PDE11A: variants seen among roughly 807,000 people sequenced by gnomAD.
PDE11A encodes dual 3',5'-cyclic-AMP and -GMP phosphodiesterase 11A.
Under a neutral mutation model 100.5 loss-of-function variants are expected in PDE11A, and 100 were observed. The observed-to-expected ratio is 1.00, with a 90% CI of 0.85 to 1.18. The LOEUF (loss-of-function observed/expected upper bound fraction) is 1.18, where lower values mean the gene tolerates loss of function less well. Ranked by LOEUF, PDE11A falls within the 50% of genes most tolerant of loss-of-function variation. The probability of loss-of-function intolerance (pLI) is 0.00; values close to 1 mark genes in which losing one functional copy is unlikely to be tolerated. For synonymous variants in PDE11A, 381 were observed against 420.8 expected, an observed-to-expected ratio of 0.91 and a Z score of 1.16; for missense variants, 1,141 against 1,152.6, an observed-to-expected ratio of 0.99 and a Z score of 0.15.
At chr2:177,981,740 A>G (rs1253575384) in intron 2 of PDE11A, among the ~76,000 whole-genome samples, 1 of 151,064 alleles carries the variant, frequency 6.6e-6, no homozygotes, top group Admixed American at 6.6e-5. Flanking sequence ...TTATGAAATT[A>G]TCTTGCTAGA....
Position 177,727,720 on chromosome 2 carries a change from C to A in PDE11A, c.1981G>T (p.Val661Phe), listed in dbSNP as rs539571955. 1.2e-5 allele frequency: 20 copies of A among 1,612,260 alleles called. No individual in the cohort carries two copies. In the East Asian group the frequency reaches 4.5e-4, roughly 36 times the overall value. Residue 661 changes from valine to phenylalanine, a missense_variant, in exon 12 of 20, where the codon GTT becomes TTT. Val to Phe is a conservative substitution (Grantham distance 50). Transcript: ENST00000286063. ...LLTVRKNYRM[V>F]LYHNWRHAFN... is the part of the protein sequence containing the mutation. ...GCATGTCTCCAGTTGTGGTATAGAA[C>A]CATCCGATAGTTTTTCCTCACTGTC... is the stretch of plus-strand genomic sequence containing the variant.
At chr2:177,937,775 C>A (rs2085295130) in intron 2 of PDE11A, among the ~76,000 whole-genome samples, 1 of 152,004 alleles carries the variant, frequency 6.6e-6, no homozygotes, top group South Asian at 2.1e-4. Flanking sequence ...TCCTGTATAC[C>A]CCAGACAGGA....
At chr2:178,086,350 G>A (rs1478304230) in intron 2 of PDE11A, among the ~76,000 whole-genome samples, 1 of 152,200 alleles carries the variant, frequency 6.6e-6, no homozygotes, top group Non-Finnish European at 1.5e-5. Flanking sequence ...GCATGAGAGA[G>A]TTCTACACAA....
chr2:177,890,775 GA>G, intron 4 of PDE11A, among the ~76,000 whole-genome samples: 1 of 152,242 alleles, frequency 6.6e-6, no homozygotes, highest in East Asian at 1.9e-4. Flanking sequence ...TTCTGGAAGA[GA>G]AGATACAAGA....
intron 2 of PDE11A, among the ~76,000 whole-genome samples, chr2:177,989,382 T>C (rs2085976616): frequency 6.6e-6 from 1 of 152,316 alleles, no homozygotes; most frequent in South Asian, 2.1e-4. Context: ...AATCTTTCTA[T>C]CATACTCAGA....
Position 177,820,271 on chromosome 2 carries a change from T to G in PDE11A, c.1525A>C (p.Ile509Leu), listed in dbSNP as rs1190496727. 6 of 1,590,580 alleles carry G rather than the reference T, an allele frequency of 3.8e-6. No individual in the cohort carries two copies. Among genetic ancestry groups the G allele is most frequent in the Non-Finnish European group, 4.3e-6 (5 of 1,159,078 alleles). The change falls in exon 7 of 20, where the codon ATA becomes CTA. Residue 509 changes from isoleucine (I) to leucine (L), a missense_variant. Physicochemically the swap from Ile to Leu is conservative, Grantham distance 5 (BLOSUM62 2). Transcript: ENST00000286063. ...ATAGGGACACAAAGAACAGATCTTATGTGAAAACCAGATATCTGGTCTGCC... is the reference window on the plus strand; with the variant it reads ...ATAGGGACACAAAGAACAGATCTTAGGTGAAAACCAGATATCTGGTCTGCC... ...AEADQISGFHIRSVLCVPIWN... is the reference protein window; with the variant it reads ...AEADQISGFHLRSVLCVPIWN...
At chr2:177,980,509 G>A (rs2085867586) in intron 2 of PDE11A, among the ~76,000 whole-genome samples, 1 of 150,800 alleles carries the variant, frequency 6.6e-6, no homozygotes. Context: ...GAATGATTGG[G>A]TTATTCTCAC....
intron 2 of PDE11A, among the ~76,000 whole-genome samples, chr2:178,080,155 C>T (rs2087265451): frequency 6.6e-6 from 1 of 152,110 alleles, no homozygotes; most frequent in Admixed American, 6.6e-5. Flanking sequence ...TAATTAGATC[C>T]CATTTGTCAA....
At chr2:178,083,099 ATT>A (rs71870174) in intron 2 of PDE11A, among the ~76,000 whole-genome samples, 176 of 138,752 alleles carry the variant, frequency 1.3e-3, no homozygotes, top group African/African-American at 3.6e-3. Context: ...TAAAACTAAA[ATT>A]TTTTTTTTTT....
chr2:177,674,024 G>C (rs2080727847), intron 17 of PDE11A, among the ~76,000 whole-genome samples: 1 of 152,112 alleles, frequency 6.6e-6, no homozygotes, highest in Admixed American at 6.6e-5. Context: ...TAAGATCTTG[G>C]GTAAAATGAT....
intron 10 of PDE11A, among the ~76,000 whole-genome samples, chr2:177,736,709 C>G (rs1235294794): frequency 6.6e-6 from 1 of 152,092 alleles, no homozygotes; most frequent in Non-Finnish European, 1.5e-5. Context: ...TGTTGGAGCT[C>G]CCATAAGCTA....
chr2:178,102,937 C>T (rs946302399), intron 2 of PDE11A, among the ~76,000 whole-genome samples: 2 of 151,954 alleles, frequency 1.3e-5, no homozygotes, highest in African/African-American at 4.8e-5. Flanking sequence ...TGATTGGTGT[C>T]ATTATGAGAA....
At chr2:177,816,436 G>A (rs988244299) in intron 9 of PDE11A, among the ~76,000 whole-genome samples, 2 of 145,874 alleles carry the variant, frequency 1.4e-5, no homozygotes, top group African/African-American at 2.7e-5. Context: ...TCCCCATCTA[G>A]GTCATATATC....
chr2:177,856,818 C>G (rs1346301606), intron 5 of PDE11A, among the ~76,000 whole-genome samples: 1 of 151,868 alleles, frequency 6.6e-6, no homozygotes, highest in Non-Finnish European at 1.5e-5. Context: ...TACCATCAAG[C>G]ATACAAACAT....
At chr2:178,016,392 C>G (rs1347094406) in intron 1 of PDE11A, among the ~76,000 whole-genome samples, 1 of 151,908 alleles carries the variant, frequency 6.6e-6, no homozygotes, top group Non-Finnish European at 1.5e-5. Context: ...AAATCAAAAC[C>G]CAAACAAAAC....
At chr2:178,040,518 T>C (rs1025496955) in intron 1 of PDE11A, among the ~76,000 whole-genome samples, 1 of 152,236 alleles carries the variant, frequency 6.6e-6, no homozygotes, top group Non-Finnish European at 1.5e-5. Context: ...GAAGCTCTTG[T>C]CCTTTCCGAT....
At chr2:177,665,856 CAA>C (rs3056853) in intron 18 of PDE11A, among the ~76,000 whole-genome samples, 1,711 of 137,172 alleles carry the variant, frequency 0.012, 30 homozygotes, top group African/African-American at 0.036. Context: ...GACTCCATCT[CAA>C]AAAAAAAAAA....
chr2:177,926,346 A>G (rs2105759224), intron 2 of PDE11A, among the ~76,000 whole-genome samples: 1 of 152,350 alleles, frequency 6.6e-6, no homozygotes, highest in South Asian at 2.1e-4. Context: ...GAAAGTTTAT[A>G]GCAAAATACT....
At chr2:177,946,341 C>A (rs1447255748) in intron 2 of PDE11A, among the ~76,000 whole-genome samples, 70 of 131,092 alleles carry the variant, frequency 5.3e-4, no homozygotes, top group East Asian at 2.9e-3. Flanking sequence ...GGGGGTCAGC[C>A]CCCCTGCCCG....
Sources: allele counts gnomAD v4.1 joint callset (sites outside exome capture counted in the v4.1 genomes callset), GRCh38; gene constraint gnomAD v4.1.1; transcripts MANE v1.5; gene names NCBI Gene and HGNC (gene_info 2026-07-23, HGNC 2026-07-21).